The following ZNF138 variants were observed in gnomAD, a reference collection of about 807,000 sequenced individuals.
ZNF138 encodes the protein zinc finger protein 138 (clone pHZ-32).
A neutral mutation model predicts 33.0 loss-of-function variants in ZNF138; 33 were observed. The ratio of observed to expected loss-of-function variants is 1.00; its 90% CI spans 0.76 to 1.34. The LOEUF (loss-of-function observed/expected upper bound fraction) is 1.34. Among genes scored for constraint, ZNF138 ranks in the 40% most tolerant of loss-of-function variants. ZNF138 has a pLI of 0.00. For synonymous variants in ZNF138, 139 were observed against 120.4 expected, an observed-to-expected ratio of 1.15 and a Z score of -1.01; for missense variants, 360 against 370.8, an observed-to-expected ratio of 0.97 and a Z score of 0.24.
At chr7:64,834,952 G>A (rs1374889272), downstream of ZNF138, among the ~76,000 whole-genome samples, 1 of 152,224 alleles carries the variant, frequency 6.6e-6, no homozygotes, top group Non-Finnish European at 1.5e-5. Flanking sequence ...GACAAAGAGG[G>A]CAAAAATCTT....
At chr7:64,850,734 G>GT in the ZNF138 span, among the ~76,000 whole-genome samples, 3 of 152,064 alleles carry the variant, frequency 2.0e-5, no homozygotes, top group Admixed American at 6.6e-5. Flanking sequence ...TAGGGTTTTG[G>GT]TAAAATTAAA....
chr7:64,808,057 G>A (rs1017542774), intron 1 of ZNF138, among the ~76,000 whole-genome samples: 1 of 152,150 alleles, frequency 6.6e-6, no homozygotes, highest in Non-Finnish European at 1.5e-5. Context: ...CTCCTGCTTG[G>A]CTTATCCTTA....
At chr7:64,828,225 TA>T (rs1789805692) in intron 3 of ZNF138, among the ~76,000 whole-genome samples, 1 of 152,052 alleles carries the variant, frequency 6.6e-6, no homozygotes, top group Admixed American at 6.6e-5. Flanking sequence ...CAAAAACACA[TA>T]AAAAATTTAC....
chr7:64,820,967 C>T (rs1315575155), intron 3 of ZNF138, among the ~76,000 whole-genome samples: 9 of 150,452 alleles, frequency 6.0e-5, no homozygotes, highest in Admixed American at 4.6e-4. Flanking sequence ...ATTTTTATTG[C>T]ATTATCAACA....
downstream of ZNF138, chr7:64,836,828 G>A (rs1029792816): frequency 6.6e-5 from 10 of 151,636 alleles, 1 homozygote; most frequent in African/African-American, 1.9e-4. Flanking sequence ...ATGGGTGCCT[G>A]GCACCCTGCT....
intron 1 of ZNF138, among the ~76,000 whole-genome samples, chr7:64,804,261 A>G (rs1163426273): frequency 6.6e-6 from 1 of 152,204 alleles, no homozygotes; most frequent in Admixed American, 6.5e-5. Context: ...CAGACATTGT[A>G]TAGAAAAGCA....
intron 2 of ZNF138, among the ~76,000 whole-genome samples, 185 bp from the exon 3 acceptor site, chr7:64,815,391 A>T (rs1399581965): frequency 6.6e-6 from 1 of 152,180 alleles, no homozygotes; most frequent in African/African-American, 2.4e-5. Context: ...AAGAATTTAC[A>T]AATTTAAAAT....
chr7:64,840,821 A>C, the ZNF138 span, among the ~76,000 whole-genome samples: 16 of 152,192 alleles, frequency 1.1e-4, no homozygotes, highest in Non-Finnish European at 2.4e-4. Context: ...TTAGCTATGC[A>C]CGTATGTTAC....
At chr7:64,853,241 C>T in the ZNF138 span, 11 of 1,608,582 alleles carry the variant, frequency 6.8e-6, no homozygotes, top group African/African-American at 1.3e-5. Context: ...GCAATTTTTG[C>T]AGGACATCTT....
chr7:64,818,126 G>A (rs903195843), intron 3 of ZNF138, among the ~76,000 whole-genome samples: 2 of 151,406 alleles, frequency 1.3e-5, no homozygotes, highest in African/African-American at 4.9e-5. Flanking sequence ...TGGGATAACA[G>A]GCATGCACCA....
At position 64,823,180 on chromosome 7, in the gene ZNF138, G is replaced by A. The variant is rs1353190251; in HGVS notation, c.208+7527G>A. Reference sequence around the variant, plus strand: ...CAGGCATGAGCCACTGCGCCTGGCTGAAAAATTAAATTTTTTGACCCTTGA... The same window carrying A: ...CAGGCATGAGCCACTGCGCCTGGCTAAAAAATTAAATTTTTTGACCCTTGA... On this transcript the variant is annotated intron_variant, in intron 3 of 3. Transcript: ENST00000307355. Among the ~76,000 whole-genome samples, 7 of 152,212 alleles carry A rather than the reference G, an allele frequency of 4.6e-5. No homozygotes were observed. The East Asian group carries it at 5.8e-4, about 13-fold the overall frequency.
At chr7:64,859,382 C>A in the ZNF138 span, among the ~76,000 whole-genome samples, 1 of 152,164 alleles carries the variant, frequency 6.6e-6, no homozygotes, top group Non-Finnish European at 1.5e-5. Flanking sequence ...CATTATTTAT[C>A]TTTTGTAACC....
At chr7:64,834,962 T>C (rs1420391320), downstream of ZNF138, among the ~76,000 whole-genome samples, 1 of 152,148 alleles carries the variant, frequency 6.6e-6, no homozygotes, top group East Asian at 1.9e-4. Flanking sequence ...GCAAAAATCT[T>C]TATTGAGCTC....
At chr7:64,835,778 G>C (rs1460166351), downstream of ZNF138, 1 of 152,236 alleles carries the variant, frequency 6.6e-6, no homozygotes, top group Non-Finnish European at 1.5e-5. Context: ...AACTGCAGGC[G>C]AGTAGACAGA....
the ZNF138 span, among the ~76,000 whole-genome samples, chr7:64,858,867 C>T: frequency 6.6e-6 from 1 of 152,152 alleles, no homozygotes; most frequent in South Asian, 2.1e-4. Context: ...AAATATACCA[C>T]ATTTTCTTTA....
chr7:64,811,656 T>C (rs1434959767), intron 1 of ZNF138, among the ~76,000 whole-genome samples: 1 of 152,252 alleles, frequency 6.6e-6, no homozygotes, highest in South Asian at 2.1e-4. Context: ...CATAGCTGCC[T>C]TCTGTTTGTT....
chr7:64,798,487 C>G (rs1002212430), intron 1 of ZNF138, among the ~76,000 whole-genome samples: 11 of 152,092 alleles, frequency 7.2e-5, no homozygotes, highest in Non-Finnish European at 7.4e-5. Context: ...ATTCCAGTAC[C>G]ATTTTATTAA....
intron 1 of ZNF138, among the ~76,000 whole-genome samples, chr7:64,808,801 G>A (rs1787829300): frequency 8.4e-6 from 1 of 119,010 alleles, no homozygotes; most frequent in African/African-American, 2.7e-5. Context: ...ACTCTTAGCT[G>A]CCTTCAAGCA....
the ZNF138 span, among the ~76,000 whole-genome samples, chr7:64,845,542 G>C: frequency 6.6e-6 from 1 of 152,138 alleles, no homozygotes; most frequent in African/African-American, 2.4e-5. Context: ...ATTCCCACCA[G>C]CAGTGTAGAA....
Sources: gnomAD v4.1 joint callset for allele counts (sites outside exome capture counted in the v4.1 genomes callset) on GRCh38, gnomAD v4.1.1 for gene constraint, MANE v1.5 for transcripts, NCBI Gene and HGNC (gene_info 2026-07-23, HGNC 2026-07-21) for gene names.